The following MACROD2 variants were observed in gnomAD, a reference collection of about 807,000 sequenced individuals.
MACROD2 encodes ADP-ribose glycohydrolase MACROD2.
In MACROD2, 36 loss-of-function variants were observed where a neutral mutation model predicts 70.4. The ratio of observed to expected loss-of-function variants is 0.51; its 90% CI spans 0.39 to 0.68. The LOEUF is 0.68. MACROD2 is among the 30% of genes least tolerant of loss of function. The pLI is 0.00. For synonymous variants in MACROD2, 172 were observed against 178.8 expected (o/e 0.96, Z 0.30); for missense variants, 496 against 538.4 (o/e 0.92, Z 0.78).
chr20:15,855,270 T>G (rs758040495), intron 8 of MACROD2, among the ~76,000 whole-genome samples: 3 of 152,194 alleles, frequency 2.0e-5, no homozygotes, highest in Non-Finnish European at 4.4e-5. Flanking sequence ...CTGGAAAAGA[T>G]TAATGGAACA....
rs78662139 is a variant in MACROD2 at position 15,589,409 on chromosome 20, T to A, written c.645+89562T>A. ...GGGCACTTTTATTCTCACATCAAAA[T>A]CGAGTGAAAGAGAGAGTTCTCATAT... On this transcript the variant is annotated intron_variant, in intron 8 of 17. Transcript: ENST00000684519. Among the ~76,000 whole-genome samples, 1,038 of 152,266 alleles carry A rather than the reference T, an allele frequency of 6.8e-3. 16 individuals carry two copies. The highest frequency in any genetic ancestry group is 0.024 in the African/African-American group (1,003 of 41,544).
At chr20:14,190,978 A>T (rs1050185727) in intron 3 of MACROD2, among the ~76,000 whole-genome samples, 5 of 151,876 alleles carry the variant, frequency 3.3e-5, no homozygotes, top group Admixed American at 6.6e-5. Flanking sequence ...AAGTTCTGGG[A>T]TTACAGGCGT....
intron 8 of MACROD2, among the ~76,000 whole-genome samples, chr20:15,573,488 CA>C (rs1414435752): frequency 6.6e-6 from 1 of 152,052 alleles, no homozygotes; most frequent in Non-Finnish European, 1.5e-5. Flanking sequence ...GTTCTCTAAT[CA>C]AGGCATAGAA....
intron 5 of MACROD2, among the ~76,000 whole-genome samples, chr20:15,120,916 C>T (rs1181442818): frequency 1.3e-5 from 2 of 152,140 alleles, no homozygotes; most frequent in South Asian, 2.1e-4. Context: ...TTTGCTGCGT[C>T]GTTTGCTGTC....
At position 14,067,227 on chromosome 20, in the gene MACROD2, G is replaced by A. The variant is rs548066568; in HGVS notation, c.164-18394G>A. Among the ~76,000 whole-genome samples, 4 of 143,436 alleles carry A rather than the reference G, an allele frequency of 2.8e-5. No individual in the cohort carries two copies. In the East Asian group the frequency reaches 8.4e-4, roughly 30 times the overall value. 94.1% of individuals were successfully genotyped at this position (143,436 alleles called of 152,430 possible). ...CAACCTCTGCCTCCCTGGTTCAAGC[G>A]ATTCTCCTGCCTCAGCCTCCCTAGT... On this transcript the variant is annotated intron_variant, in intron 2 of 17. Coordinates refer to ENST00000684519, the MANE Select transcript of MACROD2 (RefSeq NM_001351661.2).
intron 3 of MACROD2, among the ~76,000 whole-genome samples, chr20:14,092,408 A>G (rs1475561722): frequency 1.3e-5 from 2 of 152,178 alleles, no homozygotes; most frequent in Non-Finnish European, 2.9e-5. Context: ...ACCCTAAATC[A>G]TATTGATATA....
At chr20:15,698,169 C>T (rs1312806618) in intron 8 of MACROD2, among the ~76,000 whole-genome samples, 1 of 151,936 alleles carries the variant, frequency 6.6e-6, no homozygotes, top group Non-Finnish European at 1.5e-5. Flanking sequence ...TTTTATAGGT[C>T]CTGTGTGATT....
intron 10 of MACROD2, among the ~76,000 whole-genome samples, chr20:15,910,609 G>A (rs1459527107): frequency 6.6e-6 from 1 of 152,130 alleles, no homozygotes; most frequent in Non-Finnish European, 1.5e-5. Context: ...CATGTAGTAG[G>A]CACTTTCTGA....
At chr20:15,218,793 C>T (rs2076832637) in intron 5 of MACROD2, among the ~76,000 whole-genome samples, 1 of 152,170 alleles carries the variant, frequency 6.6e-6, no homozygotes, top group Non-Finnish European at 1.5e-5. Flanking sequence ...TCTTAAAAAT[C>T]CCAGCACTTT....
intron 6 of MACROD2, among the ~76,000 whole-genome samples, chr20:15,348,049 A>G (rs1278798690): frequency 6.6e-6 from 1 of 152,160 alleles, no homozygotes; most frequent in Admixed American, 6.6e-5. Flanking sequence ...CAATCTTTCC[A>G]TCTACCTCTA....
In MACROD2 at chr20:15,230,005, G is replaced by T. The variant is rs760353002; in HGVS notation, c.484G>T (p.Ala162Ser). ...HINGSHKEDL[A>S]NCYKSSLKLV... ...TAATGGTTCCCACAAGGAAGACCTT[G>T]CAAATTGCTATAAATCATCTCTGAA... Residue 162 changes from alanine (A) to serine (S), a missense_variant, in exon 6 of 18, where the codon GCA becomes TCA. Ala to Ser is a moderately conservative substitution (Grantham distance 99). Coordinates refer to ENST00000684519, the MANE Select transcript of MACROD2 (RefSeq NM_001351661.2). 6.2e-7 allele frequency: 1 copy of T among 1,613,706 alleles called. No homozygotes were observed. Among genetic ancestry groups the T allele is most frequent in the African/African-American group, 1.3e-5 (1 of 75,034 alleles).
chr20:14,762,618 G>A (rs1054427396), intron 5 of MACROD2, among the ~76,000 whole-genome samples: 3 of 152,054 alleles, frequency 2.0e-5, no homozygotes, highest in Admixed American at 6.5e-5. Context: ...TGTCAGTGTG[G>A]AACTTGGCCT....
intron 6 of MACROD2, among the ~76,000 whole-genome samples, chr20:15,273,602 T>A (rs1347159424): frequency 1.3e-5 from 2 of 152,106 alleles, no homozygotes; most frequent in African/African-American, 4.8e-5. Flanking sequence ...GATCTCAGGG[T>A]GAGGAAAAGG....
At chr20:14,228,567 A>G (rs1015009493) in intron 3 of MACROD2, among the ~76,000 whole-genome samples, 1 of 152,200 alleles carries the variant, frequency 6.6e-6, no homozygotes, top group African/African-American at 2.4e-5. Context: ...CTAAATGGCT[A>G]TCAATGAAGA....
At chr20:15,126,855 T>A (rs2076070837) in intron 5 of MACROD2, among the ~76,000 whole-genome samples, 1 of 152,164 alleles carries the variant, frequency 6.6e-6, no homozygotes, top group Non-Finnish European at 1.5e-5. Flanking sequence ...AAAATCTAAG[T>A]TGAAGCTTAG....
At chr20:14,459,929 T>C (rs866520583) in intron 3 of MACROD2, among the ~76,000 whole-genome samples, 3 of 152,216 alleles carry the variant, frequency 2.0e-5, no homozygotes, top group Middle Eastern at 3.4e-3. Context: ...TCTGTGTCTA[T>C]GTATTTTCAT....
chr20:14,965,662 G>GT (rs1338941929), intron 5 of MACROD2, among the ~76,000 whole-genome samples: 3 of 150,568 alleles, frequency 2.0e-5, no homozygotes, highest in Non-Finnish European at 4.4e-5. Context: ...TAGAGACGCG[G>GT]TTTCACTGTG....
chr20:15,202,642 A>T (rs1250629041), intron 5 of MACROD2, among the ~76,000 whole-genome samples: 1 of 152,210 alleles, frequency 6.6e-6, no homozygotes, highest in East Asian at 1.9e-4. Context: ...CTGTTTAATG[A>T]CCTATCTTGC....
intron 8 of MACROD2, among the ~76,000 whole-genome samples, chr20:15,722,742 A>G (rs2050804334): frequency 6.6e-6 from 1 of 152,178 alleles, no homozygotes; most frequent in African/African-American, 2.4e-5. Flanking sequence ...AATAAAATTG[A>G]CATAATCCAT....
Sources: allele counts gnomAD v4.1 joint callset (sites outside exome capture counted in the v4.1 genomes callset), GRCh38; gene constraint gnomAD v4.1.1; transcripts MANE v1.5; gene names NCBI Gene and HGNC (gene_info 2026-07-23, HGNC 2026-07-21).